The following TTC7A variants were observed in gnomAD, a reference collection of about 807,000 sequenced individuals.
TTC7A encodes tetratricopeptide repeat domain 7A, also known as tetratricopeptide repeat protein 7A.
In TTC7A, 110 loss-of-function variants were observed where a neutral mutation model predicts 103.7. The ratio of observed to expected loss-of-function variants is 1.06; its 90% confidence interval spans 0.91 to 1.24. The LOEUF is 1.24. Among genes scored for constraint, TTC7A ranks in the 50% most tolerant of loss-of-function variants. TTC7A has a pLI of 0.00. For missense variants in TTC7A, 1,340 were observed against 1,116.3 expected (o/e 1.20, Z -2.86); for synonymous variants, 521 against 467.9 (o/e 1.11, Z -1.47).
intron 5 of TTC7A, among the ~76,000 whole-genome samples, chr2:46,990,841 G>A (rs1007721330): frequency 1.3e-5 from 2 of 152,130 alleles, no homozygotes; most frequent in South Asian, 2.1e-4. Context: ...AGTGGTTCTC[G>A]ACTTGAGTGT....
chr2:46,956,028 G>C (rs1306868541), intron 2 of TTC7A, among the ~76,000 whole-genome samples: 3 of 152,210 alleles, frequency 2.0e-5, no homozygotes, highest in Non-Finnish European at 4.4e-5. Context: ...TCACGTGCCA[G>C]GGTGGCACAG....
At chr2:47,046,980 G>C in intron 16 of TTC7A, 1 of 353,170 alleles carries the variant, frequency 2.8e-6, no homozygotes, top group Non-Finnish European at 5.1e-6. Flanking sequence ...AGTCACCCAC[G>C]GTCTTCATGC....
Position 47,027,675 on chromosome 2 carries a change from A to G in TTC7A, c.1642-1549A>G, listed in dbSNP as rs569771167. On this transcript the variant is annotated intron_variant, in intron 14 of 19. Coordinates refer to ENST00000319190, the MANE Select transcript of TTC7A (RefSeq NM_020458.4). Reference sequence around the variant, plus strand: ...CCACTTGCCAAAACGAGCAGGATCAATCAGCTCAGATGACAGGCAGCAGGT... The same window carrying G: ...CCACTTGCCAAAACGAGCAGGATCAGTCAGCTCAGATGACAGGCAGCAGGT... Among the ~76,000 whole-genome samples, 19 of 152,368 alleles carry G rather than the reference A, an allele frequency of 1.2e-4. No homozygotes were observed. In the East Asian group the frequency reaches 1.5e-3, roughly 12 times the overall value.
chr2:46,990,303 C>T (rs774591249), intron 5 of TTC7A, among the ~76,000 whole-genome samples: 2 of 152,232 alleles, frequency 1.3e-5, no homozygotes, highest in African/African-American at 2.4e-5. Flanking sequence ...GCCTGCTCTC[C>T]AGCTCTGGGT....
At chr2:46,983,196 C>T (rs960536676) in intron 5 of TTC7A, among the ~76,000 whole-genome samples, 2 of 152,040 alleles carry the variant, frequency 1.3e-5, no homozygotes, top group African/African-American at 4.8e-5. Flanking sequence ...GCTGGGAGAC[C>T]CGAGGCAGTT....
In TTC7A at chr2:47,005,235, G is replaced by C. The variant is rs567563250; in HGVS notation, c.1066-687G>C. On this transcript the variant is annotated intron_variant, in intron 8 of 19. Transcript: ENST00000319190. ...GGGCTGGACACAGAGAGGAAGGGAGGGGGGGGCTCTGGGAATGTCGTTGTC... is the reference window on the plus strand; with the variant it reads ...GGGCTGGACACAGAGAGGAAGGGAGCGGGGGGCTCTGGGAATGTCGTTGTC... 1.4e-4 allele frequency among the ~76,000 whole-genome samples: 21 copies of C among 152,212 alleles called. No individual in the cohort carries two copies. The South Asian group carries it at 1.7e-3, about 12-fold the overall frequency.
chr2:46,923,708 A>G (rs912897869), intron 2 of TTC7A, among the ~76,000 whole-genome samples: 2 of 152,086 alleles, frequency 1.3e-5, no homozygotes, highest in Non-Finnish European at 2.9e-5. Context: ...CCTGCACAAC[A>G]TAGGAAGACC....
chr2:47,029,105 C>T, intron 14 of TTC7A, 119 bp from the exon 15 acceptor site: 1 of 1,223,586 alleles, frequency 8.2e-7, no homozygotes, highest in Non-Finnish European at 1.2e-6. Context: ...CCTCCCTGCC[C>T]CCAGTGCCTG....
At chr2:47,061,172 A>C (rs1683752335) in intron 19 of TTC7A, among the ~76,000 whole-genome samples, 1 of 152,166 alleles carries the variant, frequency 6.6e-6, no homozygotes, top group South Asian at 2.1e-4. Flanking sequence ...TCTTGTAGAC[A>C]CAGGCCATTT....
chr2:47,051,787 G>C lies in TTC7A; in HGVS notation c.2059G>C (p.Glu687Gln). Residue 687 changes from glutamate to glutamine, a missense_variant, in exon 18 of 20, where the codon GAG becomes CAG. Glu to Gln is a conservative substitution (Grantham distance 29). Transcript: ENST00000319190. ...ASSIAASRLEEAMSELTMPSS... is the reference protein window; with the variant it reads ...ASSIAASRLEQAMSELTMPSS... ...GTCCATCGCCGCCTCCCGGCTGGAG[G>C]AGGCCATGTCAGAGCTGACTATGCC... 6.2e-7 allele frequency: 1 copy of C among 1,611,438 alleles called. No individual in the cohort carries two copies. Among genetic ancestry groups the C allele is most frequent in the South Asian group, 1.1e-5 (1 of 91,002 alleles).
intron 15 of TTC7A, among the ~76,000 whole-genome samples, chr2:47,042,778 T>C (rs970730795): frequency 6.6e-6 from 1 of 152,066 alleles, no homozygotes; most frequent in Non-Finnish European, 1.5e-5. Flanking sequence ...CGTGGTCACA[T>C]AGGGACATCT....
At chr2:47,049,361 G>A (rs1411381755) in intron 16 of TTC7A, among the ~76,000 whole-genome samples, 1 of 151,970 alleles carries the variant, frequency 6.6e-6, no homozygotes, top group Non-Finnish European at 1.5e-5. Context: ...CCCCCCGCCA[G>A]CAGTATAGCA....
chr2:47,073,880 G>A lies in TTC7A; in HGVS notation c.2534G>A (p.Ser845Asn), dbSNP rs1334106336. 4 of 1,613,438 alleles carry A rather than the reference G, an allele frequency of 2.5e-6. No homozygotes were observed. In the East Asian group the frequency reaches 6.7e-5, roughly 27 times the overall value. The change falls in exon 20 of 20, where the codon AGC becomes AAC. Residue 845 changes from serine to asparagine, a missense_variant. Ser to Asn is a conservative substitution (Grantham distance 46). Transcript: ENST00000319190. ...CFLTALELEA[S>N]SPVLPFSIIP... Reference sequence around the variant, plus strand: ...CTCACCGCCCTTGAGCTGGAGGCCAGCAGCCCTGTACTGCCCTTCTCCATC... The same window carrying A: ...CTCACCGCCCTTGAGCTGGAGGCCAACAGCCCTGTACTGCCCTTCTCCATC...
At chr2:46,958,360 C>T (rs993996428) in intron 3 of TTC7A, 5 of 590,202 alleles carry the variant, frequency 8.5e-6, no homozygotes, top group African/African-American at 3.8e-5. Context: ...TTGGGTCTTT[C>T]GGGTCTCTTA....
chr2:47,031,392 G>T (rs1394712472), intron 15 of TTC7A, among the ~76,000 whole-genome samples: 4 of 152,150 alleles, frequency 2.6e-5, no homozygotes, highest in Non-Finnish European at 5.9e-5. Context: ...CTCCATCTGC[G>T]CACCTCTCTG....
intron 8 of TTC7A, among the ~76,000 whole-genome samples, chr2:46,996,965 GGTTGTTGTT>G (rs375926625): frequency 2.8e-5 from 3 of 106,838 alleles, no homozygotes; most frequent in Admixed American, 9.8e-5. Flanking sequence ...TTTTTGTGGT[GGTTGTTGTT>G]GTTGTTGTTG....
intron 5 of TTC7A, among the ~76,000 whole-genome samples, chr2:46,982,742 T>C: frequency 6.6e-6 from 1 of 152,166 alleles, no homozygotes; most frequent in African/African-American, 2.4e-5. Context: ...GGCAGGAGGA[T>C]TGCTGGAGCC....
chr2:46,971,886 G>C (rs942921152), intron 3 of TTC7A, among the ~76,000 whole-genome samples: 2 of 149,752 alleles, frequency 1.3e-5, no homozygotes, highest in African/African-American at 4.9e-5. Context: ...CAGAAGGACA[G>C]CACTCTCTAG....
At position 47,073,948 on chromosome 2, in the gene TTC7A, G is replaced by C; in HGVS notation, c.*25G>C. 2.5e-6 allele frequency: 4 copies of C among 1,592,202 alleles called. No individual in the cohort carries two copies. The highest frequency in any genetic ancestry group is 3.4e-6 in the Non-Finnish European group (4 of 1,166,848). ...ACGACGCTGCAGCCGCAGGGAGGGA[G>C]GGGCTGGCCAGAGGGAGAGGCAGCA... On this transcript the variant is annotated 3_prime_UTR_variant, in exon 20 of 20. Transcript: ENST00000319190.
Sources: allele counts gnomAD v4.1 joint callset (sites outside exome capture counted in the v4.1 genomes callset), GRCh38; gene constraint gnomAD v4.1.1; transcripts MANE v1.5; gene names NCBI Gene and HGNC (gene_info 2026-07-23, HGNC 2026-07-21).